JAKMIP3: variants seen among roughly 807,000 people sequenced by gnomAD.
JAKMIP3 encodes the protein Janus kinase and microtubule interacting protein 3.
In JAKMIP3, 58 loss-of-function variants were observed where a neutral mutation model predicts 118.5. That is an observed-to-expected ratio of 0.49 (90% confidence interval 0.40 to 0.61). The LOEUF is 0.61. Among genes scored for constraint, JAKMIP3 ranks in the 20% least tolerant of loss-of-function variants. The pLI, the probability that JAKMIP3 is intolerant of heterozygous loss-of-function variation, is 0.00. For synonymous variants in JAKMIP3, 486 were observed against 451.2 expected (o/e 1.08, Z -0.98); for missense variants, 950 against 1,109.0 (o/e 0.86, Z 2.04).
At chr10:132,102,327 G>A (rs12780028) in intron 1 of JAKMIP3, among the ~76,000 whole-genome samples, 35,486 of 151,986 alleles carry the variant, frequency 0.23, 4,829 homozygotes, top group African/African-American at 0.39. Flanking sequence ...GATGACGTCC[G>A]CGGGACAACC....
upstream of JAKMIP3, among the ~76,000 whole-genome samples, chr10:132,036,616 C>A (rs1386417280): frequency 6.6e-6 from 1 of 150,772 alleles, no homozygotes; most frequent in African/African-American, 2.4e-5. Context: ...GTGGGGGCGG[C>A]GGGGCGGGCC....
intron 19 of JAKMIP3, among the ~76,000 whole-genome samples, chr10:132,159,349 G>T (rs1327854673): frequency 3.6e-5 from 4 of 111,446 alleles, no homozygotes; most frequent in African/African-American, 6.8e-5. Flanking sequence ...ATGCTGAGGG[G>T]GCCTCTCCCT....
At chr10:132,065,680 G>A (rs1423649221), upstream of JAKMIP3, among the ~76,000 whole-genome samples, 2 of 152,098 alleles carry the variant, frequency 1.3e-5, no homozygotes, top group Non-Finnish European at 2.9e-5. This position sits in a 1 kb window ranked among gnomAD's most constrained non-coding sequence, Gnocchi z 5.6. Context: ...TCTCACCTGC[G>A]TGGCTGTGCC....
At chr10:132,053,416 T>C (rs1349623805) in intron 1 of JAKMIP3, among the ~76,000 whole-genome samples, 1 of 152,126 alleles carries the variant, frequency 6.6e-6, no homozygotes, top group African/African-American at 2.4e-5. Context: ...GCAGACATGG[T>C]CTTTGTCTCT....
intron 4 of JAKMIP3, 122 bp downstream of exon 4, chr10:132,133,649 C>G: frequency 1.1e-5 from 10 of 877,752 alleles, no homozygotes; most frequent in Non-Finnish European, 1.7e-5. Flanking sequence ...GCAGCACCCT[C>G]CTGCCTGGGC....
chr10:132,133,022 C>T (rs11818257), intron 3 of JAKMIP3, among the ~76,000 whole-genome samples: 81 of 152,328 alleles, frequency 5.3e-4, no homozygotes, highest in African/African-American at 1.7e-3. Flanking sequence ...CCCAGGGCCC[C>T]GGCAGGACAG....
At position 132,136,030 on chromosome 10, in the gene JAKMIP3, G is replaced by A. The variant is rs757858529; in HGVS notation, c.1070G>A (p.Arg357Gln). 8.1e-6 allele frequency: 13 copies of A among 1,613,590 alleles called. No homozygotes were observed. Among genetic ancestry groups the A allele is most frequent in the East Asian group, 4.5e-5 (2 of 44,872 alleles). ...GAGGATTTGTCTCATGCTTTACGCC[G>A]AATGGAAAACAAGTTAAAATTTGTC... ...KNEDLSHALR[R>Q]MENKLKFVTQ... Residue 357 changes from arginine (R) to glutamine (Q), a missense_variant, in exon 6 of 24, where the codon CGA becomes CAA. Coordinates refer to ENST00000684848, the MANE Select transcript of JAKMIP3 (RefSeq NM_001323087.2).
intron 1 of JAKMIP3, among the ~76,000 whole-genome samples, chr10:132,046,247 G>T (rs1222104840): frequency 6.6e-6 from 1 of 152,150 alleles, no homozygotes; most frequent in East Asian, 1.9e-4. Context: ...AAGGTCAGGA[G>T]ATCAAGACCA....
intron 1 of JAKMIP3, among the ~76,000 whole-genome samples, chr10:132,094,248 C>T (rs553355376): frequency 6.6e-6 from 1 of 152,124 alleles, no homozygotes; most frequent in African/African-American, 2.4e-5. Flanking sequence ...CTTCTGAATT[C>T]TTTTTTAGGT....
chr10:132,037,304 C>T (rs1108266), intron 1 of JAKMIP3, among the ~76,000 whole-genome samples: 19,183 of 152,090 alleles, frequency 0.13, 1,313 homozygotes, highest in Middle Eastern at 0.16. Context: ...GGAGTTGGAG[C>T]GGCTCCCTCC....
chr10:132,054,274 G>A (rs1397855596), intron 1 of JAKMIP3, among the ~76,000 whole-genome samples: 5 of 152,080 alleles, frequency 3.3e-5, no homozygotes, highest in African/African-American at 9.7e-5. Context: ...TGAATGTAAG[G>A]GGCATGCCTG....
rs775450865 is a variant in JAKMIP3 at position 132,117,171 on chromosome 10, C to T, written c.230C>T (p.Thr77Ile). 22 of 1,613,886 alleles carry T rather than the reference C, an allele frequency of 1.4e-5. 2 individuals are homozygous for T. The South Asian group carries it at 2.3e-4, about 17-fold the overall frequency. The part of the protein sequence containing the change: ...KTAVLLTELK[T>I]KLHEEKMKEL... The stretch of plus-strand genomic sequence containing the variant: ...GCGGTCTTGCTCACGGAGCTCAAGA[C>T]AAAGCTGCACGAGGAGAAGATGAAG... The change falls in exon 3 of 24, where the codon ACA (threonine) becomes ATA (isoleucine). Residue 77 changes from threonine (T) to isoleucine (I), a missense_variant. Physicochemically the swap from Thr to Ile is moderately conservative, Grantham distance 89 (BLOSUM62 -1). Transcript: ENST00000684848. The surrounding 1 kb of genome is among the most constrained non-coding windows in gnomAD (Gnocchi z 8.6).
intron 12 of JAKMIP3, 88 bp from the exon 13 acceptor site, chr10:132,145,406 GCTTTGCCACGCTGGCCAGACTGGT>G (rs1443313093): frequency 9.1e-7 from 1 of 1,100,882 alleles, no homozygotes; most frequent in Admixed American, 2.2e-5. Flanking sequence ...TAGAGACGGG[GCTTTGCCACGCTGGCCAGACTGGT>G]CTTTGGTGTT....
intron 11 of JAKMIP3, among the ~76,000 whole-genome samples, chr10:132,142,477 T>TGCCCCGGCCCCG (rs537968587): frequency 2.8e-5 from 4 of 142,046 alleles, no homozygotes; most frequent in Non-Finnish European, 6.0e-5. Context: ...AGGCTGTGCC[T>TGCCCCGGCCCCG]GCCCCGGCCC....
At chr10:132,061,191 GGC>G (rs10675025), upstream of JAKMIP3, among the ~76,000 whole-genome samples, 2 of 106,934 alleles carry the variant, frequency 1.9e-5, no homozygotes, top group Non-Finnish European at 2.3e-5. Context: ...CTGCCGTGAC[GGC>G]GCACACACAC....
Position 132,183,916 on chromosome 10 carries a change from C to A in JAKMIP3, c.*2663C>A. 1 of 152,252 alleles carries A rather than the reference C, an allele frequency of 6.6e-6. No homozygotes were observed. The allele number at this position is 152,252 out of a possible 1,614,324, so 9.4% of individuals were successfully genotyped here. On this transcript the variant is annotated 3_prime_UTR_variant, in exon 24 of 24. Coordinates refer to ENST00000684848, the MANE Select transcript of JAKMIP3 (RefSeq NM_001323087.2). Reference sequence around the variant, plus strand: ...AAATTGCAGGCTATACCTTCTTTTCCAAACCAATGGGCTAGAGTGAATTTC... The same window carrying A: ...AAATTGCAGGCTATACCTTCTTTTCAAAACCAATGGGCTAGAGTGAATTTC...
chr10:132,153,721 C>A, intron 17 of JAKMIP3, 38 bp from the exon 18 acceptor site: 1 of 1,607,428 alleles, frequency 6.2e-7, no homozygotes, highest in Non-Finnish European at 8.5e-7. Context: ...GTGGGGGACC[C>A]TAGGGGTCAC....
At chr10:132,045,875 A>C (rs2037894255) in intron 1 of JAKMIP3, among the ~76,000 whole-genome samples, 2 of 151,746 alleles carry the variant, frequency 1.3e-5, no homozygotes, top group East Asian at 1.9e-4. Flanking sequence ...TAGAGGTTGC[A>C]GTAAGCTGAG....
chr10:132,181,856 G>A (rs960673341), intron 23 of JAKMIP3, among the ~76,000 whole-genome samples: 2 of 150,654 alleles, frequency 1.3e-5, no homozygotes, highest in Non-Finnish European at 2.9e-5. Flanking sequence ...CCTCGCTCCC[G>A]CCCCTCAGCC....
Sources: gnomAD v4.1 joint callset for allele counts (sites outside exome capture counted in the v4.1 genomes callset) on GRCh38, gnomAD v4.1.1 for gene constraint, Gnocchi (gnomAD v3.1) non-coding constraint, MANE v1.5 for transcripts, NCBI Gene and HGNC (gene_info 2026-07-23, HGNC 2026-07-21) for gene names.